The following ATXN3 variants were observed in gnomAD, a reference collection of about 807,000 sequenced individuals.
ATXN3 encodes ataxin 3.
In ATXN3, 28 loss-of-function variants were observed where a neutral mutation model predicts 58.2. The ratio of observed to expected loss-of-function variants is 0.48; its 90% CI spans 0.36 to 0.66. The LOEUF is 0.66. Ranked by LOEUF, ATXN3 falls within the 30% of genes least tolerant of loss-of-function variation. The pLI is 0.00. For missense variants in ATXN3, 321 were observed against 422.1 expected, an observed-to-expected ratio of 0.76 and a Z score of 2.10; for synonymous variants, 113 against 138.5, an observed-to-expected ratio of 0.82 and a Z score of 1.29.
chr14:92,084,250 G>A (rs1412676015), intron 6 of ATXN3, among the ~76,000 whole-genome samples: 2 of 152,114 alleles, frequency 1.3e-5, no homozygotes, highest in Non-Finnish European at 1.5e-5. Context: ...TACTCACAGG[G>A]CTGCTGTGAG....
intron 1 of ATXN3, among the ~76,000 whole-genome samples, 198 bp downstream of exon 1, chr14:92,106,331 G>C (rs943981058): frequency 2.0e-5 from 3 of 151,902 alleles, no homozygotes; most frequent in Non-Finnish European, 4.4e-5. Flanking sequence ...CAGGGCGGGG[G>C]CCGCGGGGGA....
At chr14:92,046,833 A>T (rs1181942352) in intron 2 of ATXN3, among the ~76,000 whole-genome samples, 1 of 152,190 alleles carries the variant, frequency 6.6e-6, no homozygotes, top group African/African-American at 2.4e-5. Context: ...GGGAGAGCAC[A>T]TGTGTTTTTA....
intron 10 of ATXN3, among the ~76,000 whole-genome samples, chr14:92,067,819 T>C (rs1343502914): frequency 6.6e-6 from 1 of 152,054 alleles, no homozygotes; most frequent in East Asian, 1.9e-4. Flanking sequence ...GAAAAGGGAG[T>C]GCCACCTCGC....
intron 1 of ATXN3, 66 bp from the exon 2 acceptor site, chr14:92,096,904 T>G: frequency 1.6e-6 from 2 of 1,270,632 alleles, no homozygotes; most frequent in Non-Finnish European, 2.2e-6. Context: ...TATCTTCCCC[T>G]AAATAATTTT....
chr14:92,071,221 T>C, intron 9 of ATXN3, 168 bp from the exon 10 acceptor site: 2 of 1,067,706 alleles, frequency 1.9e-6, no homozygotes, highest in Non-Finnish European at 2.8e-6. Flanking sequence ...CTTTAAAATA[T>C]GGAAGTGCTG....
chr14:92,093,210 A>G (rs1566968872), intron 5 of ATXN3, 42 bp downstream of exon 5: 1 of 1,343,164 alleles, frequency 7.4e-7, no homozygotes, highest in East Asian at 2.4e-5. Flanking sequence ...TAAATGGGGT[A>G]CAATATAAGA....
At chr14:92,052,918 T>TC (rs2057453482), upstream of ATXN3, among the ~76,000 whole-genome samples, 2 of 152,130 alleles carry the variant, frequency 1.3e-5, no homozygotes, top group Admixed American at 1.3e-4. Flanking sequence ...ACTTTCTTAC[T>TC]CCCCTATGCC....
chr14:92,091,830 C>T (rs1036588103), intron 5 of ATXN3, among the ~76,000 whole-genome samples: 2 of 151,800 alleles, frequency 1.3e-5, no homozygotes, highest in Admixed American at 6.6e-5. Flanking sequence ...GGACTACGGC[C>T]ATGCATCACC....
chr14:92,080,693 C>G (rs550592525), intron 9 of ATXN3: 1 of 387,968 alleles, frequency 2.6e-6, no homozygotes, highest in Middle Eastern at 8.8e-4. Flanking sequence ...GCTTCCATGC[C>G]CAGCTGATTC....
Position 92,082,284 on chromosome 14 carries a change from A to T in ATXN3, c.775+16T>A, listed in dbSNP as rs1393625025. Reference sequence around the variant, plus strand: ...TTCTTCAGCAATGAATACAACACACATCAGAATGTCTTTACCTTGCATACT... The same window carrying T: ...TTCTTCAGCAATGAATACAACACACTTCAGAATGTCTTTACCTTGCATACT... On this transcript the variant is annotated intron_variant, in intron 8 of 10. Coordinates refer to ENST00000644486, the MANE Select transcript of ATXN3 (RefSeq NM_004993.6). 3 of 1,608,242 alleles carry T rather than the reference A, an allele frequency of 1.9e-6. No homozygotes were observed. The highest frequency in any genetic ancestry group is 1.7e-4 in the Middle Eastern group (1 of 6,046).
rs1476245047 is a variant in ATXN3 at position 92,085,391 on chromosome 14, T to C, written c.476-2133A>G. ...TTGGTAGAGACAGGGTTTCACCATG[T>C]TGGCCAGGCTGGTCTCATCAACTCC... On this transcript the variant is annotated intron_variant, in intron 6 of 10. Transcript: ENST00000644486. Among the ~76,000 whole-genome samples, 3 of 152,062 alleles carry C rather than the reference T, an allele frequency of 2.0e-5. No individual in the cohort carries two copies. The East Asian group carries it at 5.8e-4, about 29-fold the overall frequency.
At position 92,063,915 on chromosome 14, in the gene ATXN3, C is replaced by A; in HGVS notation, c.*405G>T. On this transcript the variant is annotated 3_prime_UTR_variant, in exon 11 of 11. Transcript: ENST00000644486. ...AATTTGGTTAATAAGAAATGAAAGCCACTATTACATGATGTGAGCCAACTT... is the reference window on the plus strand; with the variant it reads ...AATTTGGTTAATAAGAAATGAAAGCAACTATTACATGATGTGAGCCAACTT... The A allele has an allele frequency of 6.4e-6, 1 of 155,998 alleles. No homozygotes were observed. Among genetic ancestry groups the A allele is most frequent in the Non-Finnish European group, 1.4e-5 (1 of 70,680 alleles). The allele number at this position is 155,998 out of a possible 1,614,324, so 9.7% of individuals were successfully genotyped here.
chr14:92,055,469 C>CGA (rs2057461959), downstream of ATXN3, among the ~76,000 whole-genome samples: 1 of 152,132 alleles, frequency 6.6e-6, no homozygotes. The surrounding 1 kb of genome is among the most constrained non-coding windows in gnomAD (Gnocchi z 4.5). Context: ...GAACTTTTTT[C>CGA]ATCTTCCCAA....
intron 6 of ATXN3, among the ~76,000 whole-genome samples, chr14:92,083,906 A>G (rs899374085): frequency 3.9e-5 from 6 of 152,196 alleles, no homozygotes; most frequent in Admixed American, 3.9e-4. Flanking sequence ...GTGTGGAAGT[A>G]CTAGACTTGC....
At chr14:92,078,807 G>C (rs2060900562) in intron 9 of ATXN3, among the ~76,000 whole-genome samples, 1 of 152,114 alleles carries the variant, frequency 6.6e-6, no homozygotes, top group Non-Finnish European at 1.5e-5. Context: ...AATGGTTATA[G>C]AATAATATGA....
exon 3 of ATXN3, chr14:92,044,884 G>A (rs1490856105): frequency 1.3e-5 from 2 of 152,182 alleles, no homozygotes; most frequent in Non-Finnish European, 2.9e-5. Flanking sequence ...GTCCATCGAG[G>A]TTGTAGAGTT....
upstream of ATXN3, among the ~76,000 whole-genome samples, chr14:92,052,432 G>A (rs1338009749): frequency 6.6e-6 from 1 of 151,880 alleles, no homozygotes; most frequent in Non-Finnish European, 1.5e-5. Context: ...AGGTTGCGGT[G>A]AGCTGGATAT....
intron 10 of ATXN3, among the ~76,000 whole-genome samples, chr14:92,069,100 A>ATTTTTTTTTGTT (rs2058967652): frequency 1.4e-5 from 2 of 146,916 alleles, no homozygotes; most frequent in Non-Finnish European, 1.5e-5. Context: ...TTTTTTGAGA[A>ATTTTTTTTTGTT]GGAGTTTTGG....
chr14:92,104,717 G>T (rs1444585317), intron 1 of ATXN3, among the ~76,000 whole-genome samples: 1 of 151,938 alleles, frequency 6.6e-6, no homozygotes, highest in East Asian at 2.0e-4. Context: ...CCTGTCAGGA[G>T]TTGGAGACCA....
Sources: gnomAD v4.1 joint callset for allele counts (sites outside exome capture counted in the v4.1 genomes callset) on GRCh38, gnomAD v4.1.1 for gene constraint, Gnocchi (gnomAD v3.1) non-coding constraint, MANE v1.5 for transcripts, NCBI Gene and HGNC (gene_info 2026-07-23, HGNC 2026-07-21) for gene names.